MYO5B: variants seen among roughly 807,000 people sequenced by gnomAD.
MYO5B encodes the protein unconventional myosin-Vb.
Under a neutral mutation model 229.3 loss-of-function variants are expected in MYO5B, and 143 were observed. That is an observed-to-expected ratio of 0.62 (90% CI 0.54 to 0.72). The LOEUF is 0.72. Among genes scored for constraint, MYO5B ranks in the 30% least tolerant of loss-of-function variants. The pLI is 0.00. For missense variants in MYO5B, 2,321 were observed against 2,331.0 expected (o/e 1.00, Z 0.09); for synonymous variants, 918 against 885.2 (o/e 1.04, Z -0.66).
rs73444767 is a variant in MYO5B at position 50,036,271 on chromosome 18, T to C, written c.455+579A>G. On this transcript the variant is annotated intron_variant, in intron 4 of 39. Transcript: ENST00000285039. ...AACCCATTTTCTGAAGAAACAGATG[T>C]GCTATTTTTCAGAGTGAAAAGAATA... is the stretch of plus-strand genomic sequence containing the variant. Among the ~76,000 whole-genome samples, 1,408 of 152,308 alleles carry C rather than the reference T, an allele frequency of 9.2e-3. 19 individuals carry two copies. Among genetic ancestry groups the C allele is most frequent in the African/African-American group, 0.032 (1,342 of 41,562 alleles).
At chr18:49,901,084 A>T (rs1023918415) in intron 21 of MYO5B, among the ~76,000 whole-genome samples, 8 of 152,234 alleles carry the variant, frequency 5.3e-5, no homozygotes, top group Admixed American at 4.6e-4. Flanking sequence ...CACAAAACAC[A>T]TATCGCAGAG....
intron 16 of MYO5B, among the ~76,000 whole-genome samples, chr18:49,934,898 T>C (rs2144206882): frequency 6.6e-6 from 1 of 152,260 alleles, no homozygotes; most frequent in Admixed American, 6.5e-5. Context: ...AAGTAAGTTA[T>C]TTCACAGAAA....
intron 17 of MYO5B, among the ~76,000 whole-genome samples, chr18:49,924,523 C>T (rs1047503938): frequency 2.0e-5 from 3 of 152,228 alleles, no homozygotes; most frequent in Non-Finnish European, 2.9e-5. Context: ...TGGCAGGCCA[C>T]AGCTCTGCAG....
intron 12 of MYO5B, among the ~76,000 whole-genome samples, chr18:49,957,682 C>CCAA (rs2025510817): frequency 8.3e-6 from 1 of 120,878 alleles, no homozygotes; most frequent in Non-Finnish European, 1.8e-5. Context: ...CAAAAAAAGC[C>CCAA]AAAAAAAAAA....
At chr18:50,096,743 G>A (rs747782442) in intron 1 of MYO5B, among the ~76,000 whole-genome samples, 11 of 152,086 alleles carry the variant, frequency 7.2e-5, no homozygotes, top group East Asian at 5.8e-4. Context: ...CATCATCACC[G>A]TCATCATCAA....
intron 1 of MYO5B, among the ~76,000 whole-genome samples, chr18:50,186,295 G>A (rs930025681): frequency 5.3e-5 from 8 of 152,160 alleles, no homozygotes; most frequent in Admixed American, 3.9e-4. Flanking sequence ...GCTGTTTCTG[G>A]GAATGAGACT....
At chr18:49,880,494 T>G in intron 22 of MYO5B, 39 bp from the exon 23 acceptor site, 3 of 1,518,656 alleles carry the variant, frequency 2.0e-6, no homozygotes, top group Non-Finnish European at 2.7e-6. Flanking sequence ...CTCATGATGC[T>G]GGGAAGAGGA....
intron 1 of MYO5B, among the ~76,000 whole-genome samples, chr18:50,095,194 T>A (rs1252139316): frequency 6.6e-6 from 1 of 152,196 alleles, no homozygotes; most frequent in Non-Finnish European, 1.5e-5. Context: ...CGATCTTGAG[T>A]GCAACCATTT....
chr18:50,119,203 C>T (rs997138764), intron 1 of MYO5B, among the ~76,000 whole-genome samples: 6 of 152,138 alleles, frequency 3.9e-5, no homozygotes, highest in African/African-American at 9.7e-5. Context: ...TAACCAGCTC[C>T]GGGTGATGCT....
chr18:50,150,576 C>T (rs987774572), intron 1 of MYO5B, among the ~76,000 whole-genome samples: 14 of 151,716 alleles, frequency 9.2e-5, no homozygotes, highest in Non-Finnish European at 1.3e-4. Context: ...AGTAAACTAT[C>T]GCAAGAACAA....
At chr18:49,991,801 T>C (rs2025936221) in intron 6 of MYO5B, among the ~76,000 whole-genome samples, 2 of 152,184 alleles carry the variant, frequency 1.3e-5, no homozygotes, top group Admixed American at 6.5e-5. Context: ...TCTGTACATG[T>C]ATCCCAGAAC....
At chr18:50,071,862 G>C (rs1344525875) in intron 1 of MYO5B, among the ~76,000 whole-genome samples, 1 of 152,232 alleles carries the variant, frequency 6.6e-6, no homozygotes, top group Non-Finnish European at 1.5e-5. Context: ...AAGAGCTATA[G>C]GGGAGCATCT....
chr18:50,102,420 C>T (rs923577774), intron 1 of MYO5B, among the ~76,000 whole-genome samples: 10 of 151,984 alleles, frequency 6.6e-5, no homozygotes, highest in African/African-American at 2.4e-4. Flanking sequence ...TGGGAGGGAA[C>T]TCACAGCAGG....
intron 1 of MYO5B, among the ~76,000 whole-genome samples, chr18:50,068,038 C>T (rs1027609410): frequency 1.3e-5 from 1 of 74,104 alleles, no homozygotes; most frequent in Non-Finnish European, 3.3e-5. Flanking sequence ...TATATATACA[C>T]ACATATACAC....
intron 1 of MYO5B, among the ~76,000 whole-genome samples, chr18:50,163,821 G>A (rs2032805208): frequency 6.6e-6 from 1 of 152,172 alleles, no homozygotes; most frequent in Admixed American, 6.6e-5. Flanking sequence ...TATTTTGCTG[G>A]CAGTAACAAA....
chr18:50,051,353 G>A (rs528572315), intron 2 of MYO5B, among the ~76,000 whole-genome samples: 4 of 152,300 alleles, frequency 2.6e-5, no homozygotes, highest in African/African-American at 7.2e-5. Context: ...CTAAGTCAGG[G>A]CCTTGCCCAG....
At chr18:50,156,161 A>G (rs939131993) in intron 1 of MYO5B, among the ~76,000 whole-genome samples, 1 of 152,252 alleles carries the variant, frequency 6.6e-6, no homozygotes, top group Non-Finnish European at 1.5e-5. Context: ...AAGAAAATAC[A>G]TTCATATTTA....
chr18:49,978,038 A>G (rs1402148132), intron 9 of MYO5B, among the ~76,000 whole-genome samples: 1 of 152,194 alleles, frequency 6.6e-6, no homozygotes, highest in East Asian at 1.9e-4. Context: ...CTGATTGCAG[A>G]ACAATGGAAG....
chr18:49,974,965 C>T (rs995270173), intron 9 of MYO5B, among the ~76,000 whole-genome samples: 5 of 152,198 alleles, frequency 3.3e-5, no homozygotes, highest in African/African-American at 1.2e-4. Context: ...TGCCAGGCTG[C>T]TGCTGAGTAA....
Sources: allele counts gnomAD v4.1 joint callset (sites outside exome capture counted in the v4.1 genomes callset), GRCh38; gene constraint gnomAD v4.1.1; transcripts MANE v1.5; gene names NCBI Gene and HGNC (gene_info 2026-07-23, HGNC 2026-07-21).